Variants in GUCY1A2 observed in about 807,000 individuals in gnomAD.
GUCY1A2 encodes guanylate cyclase soluble subunit alpha-2.
A neutral mutation model predicts 63.5 loss-of-function variants in GUCY1A2; 27 were observed. That is an observed-to-expected ratio of 0.43 (90% CI 0.31 to 0.59). GUCY1A2 has a LOEUF of 0.59. Ranked by LOEUF, GUCY1A2 falls within the 20% of genes least tolerant of loss-of-function variation. The probability of loss-of-function intolerance (pLI) is 0.11; values close to 1 mark genes in which losing one functional copy is unlikely to be tolerated. For missense variants in GUCY1A2, 768 were observed against 913.3 expected (o/e 0.84, Z 2.05); for synonymous variants, 364 against 343.5 (o/e 1.06, Z -0.66).
chr11:106,761,523 T>C (rs1211195230), intron 6 of GUCY1A2, among the ~76,000 whole-genome samples: 2 of 152,216 alleles, frequency 1.3e-5, no homozygotes, highest in Non-Finnish European at 2.9e-5. Flanking sequence ...CTCTAGAATC[T>C]GGCATAAATT....
intron 1 of GUCY1A2, among the ~76,000 whole-genome samples, chr11:107,014,526 AT>A (rs983375657): frequency 2.6e-5 from 4 of 151,986 alleles, no homozygotes; most frequent in Non-Finnish European, 4.4e-5. Context: ...GAATTCTGGA[AT>A]TTTTTTTCAA....
intron 5 of GUCY1A2, among the ~76,000 whole-genome samples, chr11:106,802,891 T>C (rs184921795): frequency 2.0e-5 from 3 of 152,278 alleles, no homozygotes; most frequent in Admixed American, 2.0e-4. Context: ...GCTTCAACTA[T>C]GAATTTTGGG....
intron 4 of GUCY1A2, among the ~76,000 whole-genome samples, chr11:106,828,498 A>G (rs987001292): frequency 4.6e-5 from 7 of 152,186 alleles, no homozygotes; most frequent in African/African-American, 1.7e-4. Flanking sequence ...GTCAAATATC[A>G]GTTGATTGCA....
At chr11:106,802,546 T>C (rs1858623872) in intron 5 of GUCY1A2, among the ~76,000 whole-genome samples, 1 of 152,148 alleles carries the variant, frequency 6.6e-6, no homozygotes. Flanking sequence ...AGAAGTGATA[T>C]ACCTTCTCTT....
At chr11:106,973,733 A>G (rs374896841) in intron 3 of GUCY1A2, among the ~76,000 whole-genome samples, 3 of 152,128 alleles carry the variant, frequency 2.0e-5, no homozygotes, top group East Asian at 1.9e-4. Context: ...GACCAAAGAT[A>G]TCAACAAGTT....
intron 4 of GUCY1A2, among the ~76,000 whole-genome samples, chr11:106,891,240 CT>C (rs945660836): frequency 4.5e-4 from 69 of 152,042 alleles, no homozygotes; most frequent in African/African-American, 1.5e-3. Context: ...TTTTTCTATA[CT>C]TTTTTGTCCA....
rs78500807 is a variant in GUCY1A2, at chr11:106,858,623, G to A, written c.1207-48145C>T. On this transcript the variant is annotated intron_variant, in intron 4 of 7. Coordinates refer to ENST00000526355, the MANE Select transcript of GUCY1A2 (RefSeq NM_000855.3). ...TCTAGGCCTCTATGATGCCTGGCAC[G>A]TATAGACCCAAGACCAGAAGTATTA... Among the ~76,000 whole-genome samples, 1,092 of 152,162 alleles carry A rather than the reference G, an allele frequency of 7.2e-3. 11 individuals are homozygous for A. Among genetic ancestry groups the A allele is most frequent in the African/African-American group, 0.025 (1,056 of 41,550 alleles).
rs1565264804 is a variant in GUCY1A2 at position 106,709,504 on chromosome 11, ATATAT to A, written c.1837-843_1837-839del. 1.4e-4 allele frequency among the ~76,000 whole-genome samples: 7 copies of A among 51,454 alleles called. 1 individual carries two copies. The highest frequency in any genetic ancestry group is 7.3e-4 in the African/African-American group (5 of 6,820). 33.8% of individuals were successfully genotyped at this position (51,454 alleles called of 152,430 possible). On this transcript the variant is annotated intron_variant, in intron 6 of 7. Transcript: ENST00000526355. ...TATATATTTATATATATATAATAATATATATTATTCTATAAATATAATAATAATAT... is the reference window on the plus strand; with the variant it reads ...TATATATTTATATATATATAATAATATATTCTATAAATATAATAATAATAT...
chr11:106,863,319 G>A (rs904628767), intron 4 of GUCY1A2, among the ~76,000 whole-genome samples: 2 of 152,030 alleles, frequency 1.3e-5, no homozygotes, highest in Non-Finnish European at 2.9e-5. Flanking sequence ...TTTTATATAA[G>A]GTGTAAGGAA....
intron 4 of GUCY1A2, among the ~76,000 whole-genome samples, chr11:106,855,948 C>T (rs1206172777): frequency 1.4e-5 from 2 of 146,586 alleles, no homozygotes; most frequent in Non-Finnish European, 3.0e-5. Context: ...TTTTTGGTGA[C>T]AGGGTCTCAT....
intron 6 of GUCY1A2, among the ~76,000 whole-genome samples, chr11:106,727,119 C>G (rs1479430376): frequency 6.6e-6 from 1 of 152,100 alleles, no homozygotes; most frequent in African/African-American, 2.4e-5. Flanking sequence ...CACAAGAAGT[C>G]AAGTGTTGAA....
intron 2 of GUCY1A2, 152 bp from the exon 3 acceptor site, chr11:106,978,892 C>A: frequency 3.4e-6 from 2 of 595,004 alleles, no homozygotes; most frequent in East Asian, 2.9e-5. Context: ...TCTGGCATAA[C>A]CCACCATTCA....
At chr11:106,855,978 A>T (rs1487895) in intron 4 of GUCY1A2, among the ~76,000 whole-genome samples, 138,006 of 151,150 alleles carry the variant, frequency 0.91, 63,100 homozygotes, top group East Asian at 1. Flanking sequence ...CAGGCTGGAG[A>T]GCAGTGGTGT....
In GUCY1A2 at chr11:106,678,563, T is replaced by G. The variant is rs1862383160; in HGVS notation, c.*8986A>C. 4.7e-6 allele frequency: 1 copy of G among 212,524 alleles called. No homozygotes were observed. Among genetic ancestry groups the G allele is most frequent in the African/African-American group, 2.3e-5 (1 of 44,200 alleles). The allele number at this position is 212,524 out of a possible 1,614,324, so 13.2% of individuals were successfully genotyped here. On this transcript the variant is annotated 3_prime_UTR_variant, in exon 8 of 8. Transcript: ENST00000526355. ...TCTTGGGAGGCAATAAAAGTAGAATTGCTGTAGGAATTGAGGTTTCATTGG... is the reference window on the plus strand; with the variant it reads ...TCTTGGGAGGCAATAAAAGTAGAATGGCTGTAGGAATTGAGGTTTCATTGG...
chr11:106,837,180 T>C (rs969513331), intron 4 of GUCY1A2, among the ~76,000 whole-genome samples: 6 of 151,940 alleles, frequency 3.9e-5, no homozygotes, highest in Admixed American at 3.3e-4. Context: ...CCAGTGTCTA[T>C]TGTTTCCCTC....
At chr11:106,889,429 A>C (rs1004823099) in intron 4 of GUCY1A2, among the ~76,000 whole-genome samples, 1 of 152,160 alleles carries the variant, frequency 6.6e-6, no homozygotes, top group African/African-American at 2.4e-5. Flanking sequence ...CTGACTTCCT[A>C]TCTCAGATCT....
At chr11:106,869,941 T>C (rs1859651594) in intron 4 of GUCY1A2, among the ~76,000 whole-genome samples, 1 of 151,864 alleles carries the variant, frequency 6.6e-6, no homozygotes, top group Non-Finnish European at 1.5e-5. Flanking sequence ...AAAGGATGAG[T>C]TCATGTCCTT....
rs1591225600 is a variant in GUCY1A2, at chr11:106,678,415, C to CA, written c.*9133dup. 1.2e-4 allele frequency: 26 copies of CA among 211,216 alleles called. No individual in the cohort carries two copies. The East Asian group carries it at 1.8e-3, about 14-fold the overall frequency. The allele number at this position is 211,216 out of a possible 1,614,324, so 13.1% of individuals were successfully genotyped here. A position where few individuals can be genotyped will look rare whatever the true frequency, so the allele number is the denominator to read the frequency against. ...TTATGGAAGTTTTAATTTAAAAGGCCAAAAAAGGAGACAGCCTTTCAAGTG... is the reference window on the plus strand; with the variant it reads ...TTATGGAAGTTTTAATTTAAAAGGCCAAAAAAAGGAGACAGCCTTTCAAGTG... On this transcript the variant is annotated 3_prime_UTR_variant, in exon 8 of 8. Coordinates refer to ENST00000526355, the MANE Select transcript of GUCY1A2 (RefSeq NM_000855.3).
At chr11:106,976,724 C>G (rs1463918416) in intron 3 of GUCY1A2, among the ~76,000 whole-genome samples, 1 of 152,108 alleles carries the variant, frequency 6.6e-6, no homozygotes, top group Non-Finnish European at 1.5e-5. Flanking sequence ...ATAATCAGAC[C>G]TAGTATCTCT....
Sources: allele counts gnomAD v4.1 joint callset (sites outside exome capture counted in the v4.1 genomes callset), GRCh38; gene constraint gnomAD v4.1.1; transcripts MANE v1.5; gene names NCBI Gene and HGNC (gene_info 2026-07-23, HGNC 2026-07-21).